Variants in PRSS23 observed in about 807,000 individuals in gnomAD.
PRSS23 encodes serine protease 23, also known as protease, serine 23.
In PRSS23, 25 loss-of-function variants were observed where a neutral mutation model predicts 34.7. The observed-to-expected ratio is 0.72, with a 90% CI of 0.53 to 1.01. The LOEUF is 1.01. Among genes scored for constraint, PRSS23 ranks in the 50% least tolerant of loss-of-function variants. The pLI, the probability that PRSS23 is intolerant of heterozygous loss-of-function variation, is 0.00. For missense variants in PRSS23, 445 were observed against 475.6 expected, an observed-to-expected ratio of 0.94 and a Z score of 0.60; for synonymous variants, 176 against 186.6, an observed-to-expected ratio of 0.94 and a Z score of 0.46.
At chr11:86,879,692 C>A (rs1311336165) in intron 2 of PRSS23, among the ~76,000 whole-genome samples, 1 of 139,830 alleles carries the variant, frequency 7.2e-6, no homozygotes, top group Non-Finnish European at 1.6e-5. Flanking sequence ...CAGCCCCCCA[C>A]CCGGCCAGCC....
intron 2 of PRSS23, chr11:86,857,136 G>T: frequency 3.1e-6 from 1 of 325,746 alleles, no homozygotes; most frequent in Non-Finnish European, 5.8e-6. Context: ...TCAGGCTGTA[G>T]ATGAAAGGGT....
chr11:86,943,790 C>A (rs1411966545), intron 2 of PRSS23, among the ~76,000 whole-genome samples: 1 of 152,044 alleles, frequency 6.6e-6, no homozygotes, highest in African/African-American at 2.4e-5. Flanking sequence ...GATGCCCAGG[C>A]TGAAGTGCAA....
At chr11:86,878,048 G>T (rs1948736671) in intron 2 of PRSS23, among the ~76,000 whole-genome samples, 1 of 151,650 alleles carries the variant, frequency 6.6e-6, no homozygotes, top group Non-Finnish European at 1.5e-5. Flanking sequence ...TGTAATTTTT[G>T]ATGTACACAT....
rs757176963 is a variant in PRSS23 at position 86,808,606 on chromosome 11, T to C, written c.963T>C (p.Tyr321=). Residue 321 remains tyrosine, a synonymous_variant, in exon 2 of 2, where the codon TAT becomes TAC. Coordinates refer to ENST00000280258, the MANE Select transcript of PRSS23 (RefSeq NM_007173.6). ...CAGGGGCCAGCGGGTCTGGGGTCTA[T>C]GTGAGGATGTGGAAGAGACAGCAGC... ...AQPGASGSGV[Y]VRMWKRQQQK... The C allele has an allele frequency of 1.2e-6, 2 of 1,614,092 alleles. No individual in the cohort carries two copies. The highest frequency in any genetic ancestry group is 8.5e-7 in the Non-Finnish European group (1 of 1,180,042).
At chr11:86,821,183 T>C in intron 1 of PRSS23, 1 of 651,130 alleles carries the variant, frequency 1.5e-6, no homozygotes, top group Non-Finnish European at 2.3e-6. Context: ...TACTTCCTCT[T>C]CTAAAATTGG....
rs1179010017 is a variant in PRSS23 at position 86,809,242 on chromosome 11, T to C, written c.*447T>C. Reference sequence around the variant, plus strand: ...TCTTGGTGGTGGGTTTTTTTGTTTTTTTAATTCAGTGCCTGATCTTTAATG... The same window carrying C: ...TCTTGGTGGTGGGTTTTTTTGTTTTCTTAATTCAGTGCCTGATCTTTAATG... On this transcript the variant is annotated 3_prime_UTR_variant, in exon 2 of 2. Transcript: ENST00000280258. The C allele has an allele frequency of 5.9e-6, 1 of 168,390 alleles. No individual in the cohort carries two copies. Among genetic ancestry groups the C allele is most frequent in the Admixed American group, 6.5e-5 (1 of 15,412 alleles). 10.4% of individuals were successfully genotyped at this position (168,390 alleles called of 1,614,324 possible). A position where few individuals can be genotyped will look rare whatever the true frequency, so the allele number is the denominator to read the frequency against.
At chr11:86,878,517 G>C (rs946534081) in intron 2 of PRSS23, among the ~76,000 whole-genome samples, 1 of 152,136 alleles carries the variant, frequency 6.6e-6, no homozygotes, top group Non-Finnish European at 1.5e-5. Context: ...CGCCAGCCTC[G>C]GCCTCCTGAG....
At chr11:86,802,217 G>GT (rs1402399694) in intron 1 of PRSS23, among the ~76,000 whole-genome samples, 1 of 152,098 alleles carries the variant, frequency 6.6e-6, no homozygotes, top group Non-Finnish European at 1.5e-5. Context: ...ATATTAGCAG[G>GT]TTTTTTTGCA....
chr11:86,855,750 T>C (rs529149828), intron 2 of PRSS23, among the ~76,000 whole-genome samples: 1 of 152,306 alleles, frequency 6.6e-6, no homozygotes, highest in Admixed American at 6.5e-5. Flanking sequence ...ATCCGTCTGA[T>C]CTGGCCTCCC....
chr11:86,915,529 C>A (rs759339197), intron 2 of PRSS23, among the ~76,000 whole-genome samples: 2 of 147,618 alleles, frequency 1.4e-5, no homozygotes, highest in African/African-American at 4.9e-5. Context: ...TGCTTAGAGT[C>A]GTAATAATAA....
chr11:86,821,470 A>G (rs1047844578), intron 1 of PRSS23: 1 of 1,608,036 alleles, frequency 6.2e-7, no homozygotes, highest in South Asian at 1.1e-5. Context: ...CTATAGCAGG[A>G]CACTCTTTCA....
At chr11:86,875,436 A>G (rs72957504) in intron 2 of PRSS23, among the ~76,000 whole-genome samples, 5,608 of 152,270 alleles carry the variant, frequency 0.037, 132 homozygotes, top group Non-Finnish European at 0.054. Flanking sequence ...GGCTCAGCAC[A>G]TGATTTTTAA....
intron 2 of PRSS23, among the ~76,000 whole-genome samples, chr11:86,864,221 ATTT>A (rs34233740): frequency 2.0e-5 from 3 of 148,898 alleles, no homozygotes; most frequent in African/African-American, 4.9e-5. Context: ...TTTAAACTTG[ATTT>A]TTTTTTTTTC....
intron 2 of PRSS23, among the ~76,000 whole-genome samples, chr11:86,850,151 A>G (rs1397080053): frequency 1.3e-5 from 2 of 152,156 alleles, no homozygotes; most frequent in Non-Finnish European, 2.9e-5. Context: ...TTGCATTTTT[A>G]ACCTCCTTGT....
chr11:86,821,596 G>GAATT, intron 1 of PRSS23: 1 of 1,605,956 alleles, frequency 6.2e-7, no homozygotes, highest in East Asian at 2.2e-5. Context: ...GCTCAAGACA[G>GAATT]AATTCCCTTA....
chr11:86,844,711 G>T (rs1400343331), intron 2 of PRSS23, among the ~76,000 whole-genome samples: 1 of 152,184 alleles, frequency 6.6e-6, no homozygotes, highest in African/African-American at 2.4e-5. Context: ...CCCACGTCAT[G>T]ACATAGAAAC....
At chr11:86,849,788 AC>A (rs2134916701) in intron 2 of PRSS23, among the ~76,000 whole-genome samples, 1 of 152,220 alleles carries the variant, frequency 6.6e-6, no homozygotes, top group Non-Finnish European at 1.5e-5. Context: ...AGAATAGTTC[AC>A]TGTTCTGCAC....
At chr11:86,842,697 G>A (rs895197212) in intron 2 of PRSS23, among the ~76,000 whole-genome samples, 2 of 152,204 alleles carry the variant, frequency 1.3e-5, no homozygotes, top group Admixed American at 6.5e-5. Context: ...TAAAATACCT[G>A]GGAATCCAAA....
At chr11:86,832,547 C>T in intron 2 of PRSS23, 1 of 388,754 alleles carries the variant, frequency 2.6e-6, no homozygotes, top group Non-Finnish European at 5.0e-6. Context: ...GCCATGCAAC[C>T]ACCACAGGAC....
Sources: gnomAD v4.1 joint callset for allele counts (sites outside exome capture counted in the v4.1 genomes callset) on GRCh38, gnomAD v4.1.1 for gene constraint, MANE v1.5 for transcripts, NCBI Gene and HGNC (gene_info 2026-07-23, HGNC 2026-07-21) for gene names.